Variants in FBXO41 observed in about 807,000 individuals in gnomAD.
FBXO41 encodes the protein F-box only protein 41.
In FBXO41, 33 loss-of-function variants were observed where a neutral mutation model predicts 81.6. The ratio of observed to expected loss-of-function variants is 0.40; its 90% CI spans 0.31 to 0.54. The LOEUF is 0.54. Among genes scored for constraint, FBXO41 ranks in the 20% least tolerant of loss-of-function variants. FBXO41 has a pLI of 0.39. For synonymous variants in FBXO41, 576 were observed against 552.7 expected (o/e 1.04, Z -0.59); for missense variants, 1,107 against 1,236.0 (o/e 0.90, Z 1.56).
At position 73,263,207 on chromosome 2, in the gene FBXO41, G is replaced by A. The variant is rs370701510; in HGVS notation, c.2171+6C>T. Reference sequence around the variant, plus strand: ...CCTCCTATCCCCCAAACCTGCCAGGGCTCACCAGGGGTGAAGTGGTGCCAC... The same window carrying A: ...CCTCCTATCCCCCAAACCTGCCAGGACTCACCAGGGGTGAAGTGGTGCCAC... On this transcript the variant is annotated splice_donor_region_variant and intron_variant, in intron 9 of 12. Transcript: ENST00000520530. 7.9e-5 allele frequency: 122 copies of A among 1,552,560 alleles called. No individual in the cohort carries two copies. Among genetic ancestry groups the A allele is most frequent in the Non-Finnish European group, 1.0e-4 (115 of 1,147,422 alleles).
rs1304972916 is a variant in FBXO41 at position 73,260,574 on chromosome 2, G to A, written c.2291-27C>T. The A allele has an allele frequency of 2.6e-6, 4 of 1,568,164 alleles. No homozygotes were observed. Among genetic ancestry groups the A allele is most frequent in the African/African-American group, 2.7e-5 (2 of 73,608 alleles). On this transcript the variant is annotated intron_variant, in intron 10 of 12. Coordinates refer to ENST00000520530, the MANE Select transcript of FBXO41 (RefSeq NM_001371389.2). This position sits in a 1 kb window ranked among gnomAD's most constrained non-coding sequence, Gnocchi z 5.0. The stretch of plus-strand genomic sequence containing the variant: ...TAGGAAGAGGAAGAAGGGGGATCCT[G>A]CTGACACACTCCCCAGGTCACCCCT...
Position 73,269,696 on chromosome 2 carries a change from C to G in FBXO41, c.-66G>C, listed in dbSNP as rs1688428505. 2 of 1,091,728 alleles carry G rather than the reference C, an allele frequency of 1.8e-6. No individual in the cohort carries two copies. The highest frequency in any genetic ancestry group is 3.4e-5 in the African/African-American group (2 of 59,370). The allele number at this position is 1,091,728 out of a possible 1,614,324, so 67.6% of individuals were successfully genotyped here. A position where few individuals can be genotyped will look rare whatever the true frequency, so the allele number is the denominator to read the frequency against. The stretch of plus-strand genomic sequence containing the variant: ...GCCCCGCCGGTCAGCCGGGCGCGCT[C>G]ATGGGGGACCGCGGGCGAGGCCCCC... On this transcript the variant is annotated 5_prime_UTR_variant, in exon 2 of 13. The change abolishes an upstream ATG in the 5' untranslated region. Coordinates refer to ENST00000520530, the MANE Select transcript of FBXO41 (RefSeq NM_001371389.2). The surrounding 1 kb of genome is among the most constrained non-coding windows in gnomAD (Gnocchi z 7.0).
At chr2:73,277,579 C>G (rs1688732954) in intron 1 of FBXO41, among the ~76,000 whole-genome samples, 1 of 147,766 alleles carries the variant, frequency 6.8e-6, no homozygotes, top group Non-Finnish European at 1.5e-5. Context: ...CAAGCCTACT[C>G]TCTTTCAAGT....
At chr2:73,276,560 C>CAGAGAGAGAGAGAGAGAGAGAGAGAG (rs533998261) in intron 1 of FBXO41, among the ~76,000 whole-genome samples, 3 of 106,410 alleles carry the variant, frequency 2.8e-5, no homozygotes, top group Non-Finnish European at 5.5e-5. Context: ...CAAATCTATT[C>CAGAGAGAGAGAGAGAGAGAGAGAGAG]AGAGAGAGAG....
rs137974531 is a variant in FBXO41, at chr2:73,274,920, G to A, written c.-138-5152C>T. On this transcript the variant is annotated intron_variant, in intron 1 of 12. Coordinates refer to ENST00000520530, the MANE Select transcript of FBXO41 (RefSeq NM_001371389.2). ...TTTGGAAACGGAGTATCGCTCTGTC[G>A]CCCAGGCTGGAGTACAATGGTGCGA... Among the ~76,000 whole-genome samples the A allele has an allele frequency of 1.3e-4, 20 of 149,326 alleles. No homozygotes were observed. In the East Asian group the frequency reaches 2.7e-3, roughly 20 times the overall value.
chr2:73,275,847 C>T (rs180823212), intron 1 of FBXO41, among the ~76,000 whole-genome samples: 22 of 151,858 alleles, frequency 1.4e-4, no homozygotes, highest in East Asian at 1.4e-3. Context: ...AGTGAAGTGG[C>T]GCAATCTTGG....
chr2:73,263,981 G>A lies in FBXO41; in HGVS notation c.1879C>T (p.Arg627Trp). The A allele has an allele frequency of 1.2e-6, 2 of 1,605,684 alleles. No individual in the cohort carries two copies. The highest frequency in any genetic ancestry group is 1.7e-6 in the Non-Finnish European group (2 of 1,175,916). Residue 627 changes from arginine to tryptophan, a missense_variant, in exon 7 of 13, where the codon CGG (arginine) becomes TGG (tryptophan). By Grantham distance (101) the Arg-to-Trp change is moderately radical. Transcript: ENST00000520530. ...LTLQNLKPRQ[R>W]GKKESKEEYA... ...TCCTCCTTGCTCTCCTTCTTTCCCC[G>A]CTGCCGGGGCTTCAAGTTCTGCAGC...
rs1422704507 is a variant in FBXO41 at position 73,254,906 on chromosome 2, CAA to C, written c.*4074_*4075del. The C allele has an allele frequency of 1.3e-5, 2 of 152,672 alleles. No homozygotes were observed. Among genetic ancestry groups the C allele is most frequent in the African/African-American group, 2.4e-5 (1 of 41,446 alleles). The allele number at this position is 152,672 out of a possible 1,614,324, so 9.5% of individuals were successfully genotyped here. On this transcript the variant is annotated 3_prime_UTR_variant, in exon 13 of 13. Transcript: ENST00000520530. ...GGAGGTACAGGCACCACTTCAGAAA[CAA>C]AAATAAAACCAAAAATTGCTCTCCA...
At position 73,265,974 on chromosome 2, in the gene FBXO41, C is replaced by T. The variant is rs769869773; in HGVS notation, c.1132-8G>A. On this transcript the variant is annotated splice_region_variant and splice_polypyrimidine_tract_variant and intron_variant, in intron 3 of 12. Coordinates refer to ENST00000520530, the MANE Select transcript of FBXO41 (RefSeq NM_001371389.2). ...GCCCACGTGGTGTTCTCGCTGTGGG[C>T]CCCCAGAGCAGGAGGTAAAGGAGAG... 19 of 1,566,202 alleles carry T rather than the reference C, an allele frequency of 1.2e-5. No individual in the cohort carries two copies. The highest frequency in any genetic ancestry group is 1.7e-4 in the Middle Eastern group (1 of 6,014).
chr2:73,269,285 C>T lies in FBXO41; in HGVS notation c.346G>A (p.Ala116Thr). The change falls in exon 2 of 13, where the codon GCC (alanine) becomes ACC (threonine). Residue 116 changes from alanine (A) to threonine (T), a missense_variant. By Grantham distance (58) the Ala-to-Thr change is moderately conservative. This residue lies in a region of FBXO41 where 771 missense variants were observed against 789.2 expected (regional missense o/e 0.98). Coordinates refer to ENST00000520530, the MANE Select transcript of FBXO41 (RefSeq NM_001371389.2). This position sits in a 1 kb window ranked among gnomAD's most constrained non-coding sequence, Gnocchi z 7.0. ...GGCACCAGGTCGCCGGGGAAGTGGG[C>T]GAGGGGAGCGTGGTGATGGTGGTGG... ...LHHHHHHAPL[A>T]HFPGDLVPAS... 2 of 1,530,254 alleles carry T rather than the reference C, an allele frequency of 1.3e-6. No individual in the cohort carries two copies. Among genetic ancestry groups the T allele is most frequent in the South Asian group, 1.2e-5 (1 of 82,788 alleles). The allele number at this position is 1,530,254 out of a possible 1,614,324, so 94.8% of individuals were successfully genotyped here. A position where few individuals can be genotyped will look rare whatever the true frequency, so the allele number is the denominator to read the frequency against.
In FBXO41 at chr2:73,263,198, C is replaced by A; in HGVS notation, c.2171+15G>T. 1 of 1,551,564 alleles carries A rather than the reference C, an allele frequency of 6.4e-7. No individual in the cohort carries two copies. Among genetic ancestry groups the A allele is most frequent in the Non-Finnish European group, 8.7e-7 (1 of 1,146,750 alleles). On this transcript the variant is annotated intron_variant, in intron 9 of 12. Transcript: ENST00000520530. ...CGTGTCCCCCCTCCTATCCCCCAAACCTGCCAGGGCTCACCAGGGGTGAAG... is the reference window on the plus strand; with the variant it reads ...CGTGTCCCCCCTCCTATCCCCCAAAACTGCCAGGGCTCACCAGGGGTGAAG...
chr2:73,261,465 C>G (rs1381761356), intron 9 of FBXO41, among the ~76,000 whole-genome samples: 1 of 152,140 alleles, frequency 6.6e-6, no homozygotes, highest in African/African-American at 2.4e-5. Flanking sequence ...CCCCTCATTC[C>G]TACATCCACT....
At chr2:73,262,345 G>C (rs1688047971) in intron 9 of FBXO41, among the ~76,000 whole-genome samples, 1 of 152,212 alleles carries the variant, frequency 6.6e-6, no homozygotes, top group African/African-American at 2.4e-5. Flanking sequence ...TGTTACAGAA[G>C]GCACACTGGA....
Position 73,263,218 on chromosome 2 carries a change from G to T in FBXO41, c.2166C>A (p.His722Gln). The T allele has an allele frequency of 6.4e-7, 1 of 1,554,770 alleles. No homozygotes were observed. Among genetic ancestry groups the T allele is most frequent in the Non-Finnish European group, 8.7e-7 (1 of 1,148,728 alleles). The change falls in exon 9 of 13, where the codon CAC becomes CAA. Residue 722 changes from histidine to glutamine, a missense_variant. By Grantham distance (24) the His-to-Gln change is conservative. Around this residue, in one of 2 missense-constraint regions of FBXO41, gnomAD observed 336 missense variants for 446.7 expected, o/e 0.75. Coordinates refer to ENST00000520530, the MANE Select transcript of FBXO41 (RefSeq NM_001371389.2). ...CCAAACCTGCCAGGGCTCACCAGGG[G>T]TGAAGTGGTGCCACTTGGAGGGAGA... ...EIVSLQVAPL[H>Q]PCQQPTRFSN...
At position 73,259,315 on chromosome 2, in the gene FBXO41, A is replaced by T. The variant is rs1490302661; in HGVS notation, c.2450-19T>A. 9.3e-6 allele frequency: 15 copies of T among 1,608,134 alleles called. No homozygotes were observed. Among genetic ancestry groups the T allele is most frequent in the Non-Finnish European group, 1.3e-5 (15 of 1,174,764 alleles). On this transcript the variant is annotated intron_variant, in intron 11 of 12. Coordinates refer to ENST00000520530, the MANE Select transcript of FBXO41 (RefSeq NM_001371389.2). The surrounding 1 kb of genome is among the most constrained non-coding windows in gnomAD (Gnocchi z 4.2). Reference sequence around the variant, plus strand: ...CAGATGCCTGAGAAAAGGTGAGCAAAGTAGGGGCGTGTTTGGCCTGGGCTG... The same window carrying T: ...CAGATGCCTGAGAAAAGGTGAGCAATGTAGGGGCGTGTTTGGCCTGGGCTG...
chr2:73,271,003 C>T, intron 1 of FBXO41: 2 of 505,758 alleles, frequency 4.0e-6, no homozygotes, highest in South Asian at 2.9e-5. Context: ...TCTGGATTTT[C>T]CCCTGGGTTC....
At chr2:73,276,653 G>A (rs549175151) in intron 1 of FBXO41, among the ~76,000 whole-genome samples, 2 of 147,138 alleles carry the variant, frequency 1.4e-5, no homozygotes, top group Non-Finnish European at 3.0e-5. Flanking sequence ...ACACATGGGG[G>A]AAAAAAAAAG....
In FBXO41 at chr2:73,258,973, CT is replaced by C; in HGVS notation, c.*8del. 1 of 1,568,440 alleles carries C rather than the reference CT, an allele frequency of 6.4e-7. No homozygotes were observed. The highest frequency in any genetic ancestry group is 1.2e-5 in the South Asian group (1 of 85,182). On this transcript the variant is annotated 3_prime_UTR_variant, in exon 13 of 13. Transcript: ENST00000520530. The stretch of plus-strand genomic sequence containing the variant: ...GGGCTGGCAGGGGCCCTGCCGCCCC[CT>C]ACCCGGGTTAGCAGCCGCCTTCCAC...
At chr2:73,270,889 C>G (rs752036173) in intron 1 of FBXO41, 1 of 534,608 alleles carries the variant, frequency 1.9e-6, no homozygotes, top group Non-Finnish European at 3.8e-6. Context: ...CACAGACCAC[C>G]TGCTGATCAG....
Sources: allele counts gnomAD v4.1 joint callset (sites outside exome capture counted in the v4.1 genomes callset), GRCh38; gene constraint gnomAD v4.1.1; regional missense constraint gnomAD v4.1.1; non-coding constraint Gnocchi (gnomAD v3.1); transcripts MANE v1.5; gene names NCBI Gene and HGNC (gene_info 2026-07-23, HGNC 2026-07-21).